WDR45: variants seen among roughly 807,000 people sequenced by gnomAD.
WDR45 encodes the protein WD repeat domain phosphoinositide-interacting protein 4.
Under a neutral mutation model 27.3 loss-of-function variants are expected in WDR45, and 2 were observed. The ratio of observed to expected loss-of-function variants is 0.07; its 90% CI spans 0.03 to 0.23. WDR45 has a LOEUF of 0.23. Ranked by LOEUF, WDR45 falls within the 10% of genes least tolerant of loss-of-function variation. WDR45 has a pLI of 1.00. For missense variants in WDR45, 175 were observed against 311.9 expected (o/e 0.56, Z 3.31); for synonymous variants, 99 against 119.2 (o/e 0.83, Z 1.11).
chrX:49,096,785 C>T (rs782123577), intron 2 of WDR45, among the ~76,000 whole-genome samples: 13 of 111,549 alleles, frequency 1.2e-4, no homozygotes, highest in Non-Finnish European at 1.7e-4. Context: ...GACTGAGTTT[C>T]GCTCTGTCGC....
At chrX:49,100,424 G>A (rs1307268274) in exon 2 of WDR45, 2 of 110,500 alleles carry the variant, frequency 1.8e-5, no homozygotes, top group African/African-American at 3.3e-5. Flanking sequence ...TTTTAGTAGA[G>A]ACGGGGTTTC....
chrX:49,083,214 A>G (rs959162694), upstream of WDR45, among the ~76,000 whole-genome samples: 1 of 106,988 alleles, frequency 9.3e-6, no homozygotes, highest in East Asian at 3.0e-4. Context: ...AGGTTTCACC[A>G]TATTGGCCAG....
chrX:49,082,035 T>TGCAGTG (rs1477450774), upstream of WDR45: 2 of 109,180 alleles, frequency 1.8e-5, no homozygotes, highest in African/African-American at 3.3e-5. Context: ...ATATGCTTTT[T>TGCAGTG]GCAGTGGCAG....
rs781881246 is a variant in WDR45 at position 49,075,950 on chromosome X, G to A, written c.437-5C>T. ...TGGGGCAGAGGTCACAGAGCCCTAG[G>A]GTGTGAAGATGGGGGGTGGGGTGGG... On this transcript the variant is annotated splice_polypyrimidine_tract_variant and splice_region_variant and intron_variant, in intron 6 of 10. Transcript: ENST00000376372. 6 of 1,205,723 alleles carry A rather than the reference G, an allele frequency of 5.0e-6. No homozygotes were observed. The South Asian group carries it at 1.1e-4, about 21-fold the overall frequency.
At chrX:49,085,746 G>A (rs1316231833) in intron 2 of WDR45, among the ~76,000 whole-genome samples, 1 of 110,510 alleles carries the variant, frequency 9.0e-6, no homozygotes, top group Non-Finnish European at 1.9e-5. Context: ...GAGTGATGGC[G>A]TGTGCCTCTA....
At chrX:49,077,446 A>T (rs55719739) in intron 4 of WDR45, 197 bp downstream of exon 4, 4 of 472,803 alleles carry the variant, frequency 8.5e-6, no homozygotes, top group Non-Finnish European at 1.1e-5. Context: ...CACAGGAGGC[A>T]CTCAATCAGA....
At chrX:49,098,450 C>T (rs782764803) in intron 2 of WDR45, among the ~76,000 whole-genome samples, 19 of 104,530 alleles carry the variant, frequency 1.8e-4, no homozygotes, top group South Asian at 4.3e-4. Context: ...GAGTCAAGAC[C>T]GTGCCACTAA....
intron 2 of WDR45, among the ~76,000 whole-genome samples, chrX:49,089,654 GTGCA>G (rs2065097736): frequency 9.1e-6 from 1 of 110,063 alleles, no homozygotes; most frequent in Non-Finnish European, 1.9e-5. Context: ...GGCCATGGTG[GTGCA>G]TGCCTGTAGT....
intron 10 of WDR45, 108 bp from the exon 11 acceptor site, chrX:49,075,020 T>C: frequency 8.8e-7 from 1 of 1,139,247 alleles, no homozygotes; most frequent in Non-Finnish European, 1.2e-6. Flanking sequence ...TGCCCAGTGC[T>C]GTCCCCCTTA....
intron 2 of WDR45, among the ~76,000 whole-genome samples, chrX:49,086,150 A>G (rs1034992100): frequency 9.0e-6 from 1 of 110,790 alleles, no homozygotes; most frequent in African/African-American, 3.3e-5. Context: ...CCCAATCCAG[A>G]CCCCAAGAGA....
upstream of WDR45, among the ~76,000 whole-genome samples, chrX:49,084,346 A>C (rs2147822492): frequency 9.4e-6 from 1 of 106,577 alleles, no homozygotes; most frequent in South Asian, 4.2e-4. Context: ...CACCATGCCC[A>C]GCTGATTCCC....
At chrX:49,082,235 TCC>T (rs2065070217), upstream of WDR45, 1 of 24,252 alleles carries the variant, frequency 4.1e-5, no homozygotes, top group Non-Finnish European at 4.3e-3. Context: ...ATTGATGAAA[TCC>T]CCCCTTTACT....
chrX:49,094,630 C>G (rs894679584), intron 2 of WDR45, among the ~76,000 whole-genome samples: 4 of 110,919 alleles, frequency 3.6e-5, no homozygotes, highest in Non-Finnish European at 7.6e-5. Context: ...CAACCAATTA[C>G]GGCCTGGTGG....
At chrX:49,097,273 T>C (rs1557087440) in intron 2 of WDR45, among the ~76,000 whole-genome samples, 2 of 111,253 alleles carry the variant, frequency 1.8e-5, no homozygotes, top group Non-Finnish European at 3.8e-5. Flanking sequence ...CTGTTATTTA[T>C]TTGAGATGGA....
chrX:49,092,446 C>G (rs1395263574), intron 2 of WDR45, among the ~76,000 whole-genome samples: 1 of 108,491 alleles, frequency 9.2e-6, no homozygotes, highest in Non-Finnish European at 1.9e-5. Flanking sequence ...CTGCTTGGAC[C>G]AAAATATAAT....
chrX:49,076,846 C>A (rs782442652), intron 4 of WDR45, 96 bp from the exon 5 acceptor site: 22 of 692,803 alleles, frequency 3.2e-5, no homozygotes, highest in Non-Finnish European at 4.9e-5. Flanking sequence ...GGGACCTCAA[C>A]CTACTTGCTT....
At chrX:49,100,060 C>T (rs1487948062) in intron 2 of WDR45, 1 of 110,417 alleles carries the variant, frequency 9.1e-6, no homozygotes, top group African/African-American at 3.3e-5. Flanking sequence ...CAACAGTCCC[C>T]TGTCCCTTCA....
intron 2 of WDR45, among the ~76,000 whole-genome samples, chrX:49,097,863 G>A (rs1277774354): frequency 3.7e-5 from 4 of 108,100 alleles, no homozygotes; most frequent in Non-Finnish European, 5.7e-5. Context: ...TCACCATGTT[G>A]GTCAGGCCGG....
intron 2 of WDR45, among the ~76,000 whole-genome samples, chrX:49,091,731 G>A (rs2065106570): frequency 1.4e-5 from 1 of 69,480 alleles, no homozygotes. Context: ...AGTCCGACCT[G>A]GGCGACAGAG....
Sources: gnomAD v4.1 joint callset for allele counts (sites outside exome capture counted in the v4.1 genomes callset) on GRCh38, gnomAD v4.1.1 for gene constraint, MANE v1.5 for transcripts, NCBI Gene and HGNC (gene_info 2026-07-23, HGNC 2026-07-21) for gene names.